The following CDH4 variants were observed in gnomAD, a reference collection of about 807,000 sequenced individuals.
CDH4 encodes the protein cadherin-4.
Under a neutral mutation model 86.0 loss-of-function variants are expected in CDH4, and 33 were observed. That is an observed-to-expected ratio of 0.38 (90% CI 0.29 to 0.51). The LOEUF is 0.51. CDH4 is among the 20% of genes least tolerant of loss of function. CDH4 has a pLI of 0.86. For synonymous variants in CDH4, 555 were observed against 549.4 expected (o/e 1.01, Z -0.14); for missense variants, 1,114 against 1,307.4 (o/e 0.85, Z 2.28).
At chr20:61,352,711 T>C (rs545272089) in intron 2 of CDH4, among the ~76,000 whole-genome samples, 15 of 152,296 alleles carry the variant, frequency 9.8e-5, no homozygotes, top group African/African-American at 3.4e-4. Flanking sequence ...TGGCTGTTTC[T>C]TGTTGGTTTG....
chr20:61,531,050 A>G (rs1005958362), intron 2 of CDH4, among the ~76,000 whole-genome samples: 4 of 146,836 alleles, frequency 2.7e-5, no homozygotes, highest in African/African-American at 1.0e-4. Flanking sequence ...TTCGGTACAC[A>G]GAGCTGCTGA....
At chr20:61,566,877 A>G (rs1468588604) in intron 2 of CDH4, among the ~76,000 whole-genome samples, 1 of 151,900 alleles carries the variant, frequency 6.6e-6, no homozygotes, top group Non-Finnish European at 1.5e-5. Flanking sequence ...TGCCGATGGC[A>G]CGCGGCTCAC....
intron 4 of CDH4, among the ~76,000 whole-genome samples, chr20:61,842,206 C>G (rs1982208222): frequency 6.6e-6 from 1 of 152,222 alleles, no homozygotes; most frequent in Non-Finnish European, 1.5e-5. Context: ...AGCCCTCTGT[C>G]TCTGAGGTAA....
In CDH4 at chr20:61,940,238, C is replaced by T. The variant is rs2055247392; in HGVS notation, c.*3295C>T. 6.6e-6 allele frequency: 1 copy of T among 152,136 alleles called. No individual in the cohort carries two copies. The highest frequency in any genetic ancestry group is 2.1e-4 in the South Asian group (1 of 4,828). 9.4% of individuals were successfully genotyped at this position (152,136 alleles called of 1,614,324 possible). ...TTGGAATGCGTTTTACTTTTCTTTT[C>T]TCTCCTTTTTTCATTCCGATTTTTT... is the stretch of plus-strand genomic sequence containing the variant. On this transcript the variant is annotated 3_prime_UTR_variant, in exon 16 of 16. Coordinates refer to ENST00000614565, the MANE Select transcript of CDH4 (RefSeq NM_001794.5).
At chr20:61,706,726 C>T (rs2087834779) in intron 2 of CDH4, among the ~76,000 whole-genome samples, 1 of 152,178 alleles carries the variant, frequency 6.6e-6, no homozygotes, top group Admixed American at 6.5e-5. Context: ...TTCTCCCGAG[C>T]CCGCTGCAGG....
At chr20:61,799,250 G>A (rs1350651071) in intron 4 of CDH4, among the ~76,000 whole-genome samples, 3 of 152,216 alleles carry the variant, frequency 2.0e-5, no homozygotes, top group Non-Finnish European at 2.9e-5. Context: ...ATTGCAAAGA[G>A]GTAGGTCTGT....
At chr20:61,918,565 G>A (rs1254201732) in intron 9 of CDH4, among the ~76,000 whole-genome samples, 23 of 152,164 alleles carry the variant, frequency 1.5e-4, no homozygotes. Flanking sequence ...GCGTGCATCA[G>A]GGAGCCACGA....
intron 2 of CDH4, among the ~76,000 whole-genome samples, chr20:61,330,346 T>C (rs963748832): frequency 1.3e-5 from 2 of 152,170 alleles, no homozygotes; most frequent in African/African-American, 4.8e-5. Context: ...AGTGTAAAAG[T>C]GTACCTGATT....
chr20:61,818,902 CAG>C (rs903098392), intron 4 of CDH4, among the ~76,000 whole-genome samples: 1 of 152,100 alleles, frequency 6.6e-6, no homozygotes, highest in Non-Finnish European at 1.5e-5. Flanking sequence ...ACTGATGGCA[CAG>C]AGAGCAGGGG....
In CDH4 at chr20:61,269,840, C is replaced by T. The variant is rs1047850986; in HGVS notation, c.169+14903C>T. ...TCAGATAGCAACTCCATGTTCCCGA[C>T]GCATGACCGGACCTCCAGAGCCAGT... On this transcript the variant is annotated intron_variant, in intron 2 of 15. Transcript: ENST00000614565. The surrounding 1 kb of genome is among the most constrained non-coding windows in gnomAD (Gnocchi z 5.3). 1.2e-4 allele frequency among the ~76,000 whole-genome samples: 18 copies of T among 152,210 alleles called. No homozygotes were observed. The highest frequency in any genetic ancestry group is 3.4e-4 in the African/African-American group (14 of 41,542).
At chr20:61,564,791 G>A (rs896897051) in intron 2 of CDH4, among the ~76,000 whole-genome samples, 12 of 152,180 alleles carry the variant, frequency 7.9e-5, no homozygotes, top group African/African-American at 2.7e-4. Context: ...AGGTGGGTCT[G>A]AGAGTGGACA....
At chr20:61,460,945 T>C (rs1028907) in intron 2 of CDH4, among the ~76,000 whole-genome samples, 72,871 of 151,990 alleles carry the variant, frequency 0.48, 17,726 homozygotes, top group Admixed American at 0.54. Context: ...CATCAGCCCC[T>C]GTTAGGGCAG....
intron 2 of CDH4, among the ~76,000 whole-genome samples, chr20:61,389,630 C>T (rs80079602): frequency 0.014 from 2,064 of 152,278 alleles, 46 homozygotes; most frequent in African/African-American, 0.046. Context: ...TATAGATCGA[C>T]GCTTCTCAAC....
chr20:61,690,004 G>C (rs1453797441), intron 2 of CDH4, among the ~76,000 whole-genome samples: 5 of 151,696 alleles, frequency 3.3e-5, no homozygotes, highest in Non-Finnish European at 5.9e-5. Flanking sequence ...CTGGTGAGGT[G>C]ATGTGGATTC....
chr20:61,746,719 G>C (rs996705255), intron 3 of CDH4, among the ~76,000 whole-genome samples: 2 of 152,250 alleles, frequency 1.3e-5, no homozygotes, highest in African/African-American at 4.8e-5. Context: ...CCCAGCCAAA[G>C]GGTGCTGGTA....
chr20:61,902,066 G>A lies in CDH4; in HGVS notation c.1188+7019G>A, dbSNP rs1419702907. Among the ~76,000 whole-genome samples the A allele has an allele frequency of 2.0e-5, 3 of 152,214 alleles. No homozygotes were observed. Among genetic ancestry groups the A allele is most frequent in the Non-Finnish European group, 4.4e-5 (3 of 68,026 alleles). The stretch of plus-strand genomic sequence containing the variant: ...AGATGCAGTCCTGCGTGTCACACCT[G>A]AGGAGCAGCCTGGAGCCAGGGGCAC... On this transcript the variant is annotated intron_variant, in intron 8 of 15. Transcript: ENST00000614565. This position sits in a 1 kb window ranked among gnomAD's most constrained non-coding sequence, Gnocchi z 4.6.
At chr20:61,691,058 G>A (rs2087647216) in intron 2 of CDH4, among the ~76,000 whole-genome samples, 1 of 152,144 alleles carries the variant, frequency 6.6e-6, no homozygotes, top group African/African-American at 2.4e-5. Flanking sequence ...TTCCTTCTGA[G>A]AGTGATGCCA....
rs2055210149 is a variant in CDH4 at position 61,937,516 on chromosome 20, A to G, written c.*573A>G. 1 of 151,998 alleles carries G rather than the reference A, an allele frequency of 6.6e-6. No homozygotes were observed. 9.4% of individuals were successfully genotyped at this position (151,998 alleles called of 1,614,324 possible). On this transcript the variant is annotated 3_prime_UTR_variant, in exon 16 of 16. Coordinates refer to ENST00000614565, the MANE Select transcript of CDH4 (RefSeq NM_001794.5). Reference sequence around the variant, plus strand: ...TTCAAATCCCAGCAGCCTTTGCTGTACACAGCTGGGGGTCTCTTGAGCCTC... The same window carrying G: ...TTCAAATCCCAGCAGCCTTTGCTGTGCACAGCTGGGGGTCTCTTGAGCCTC...
Position 61,879,619 on chromosome 20 carries a change from G to A in CDH4, c.1050+5719G>A, listed in dbSNP as rs920185468. On this transcript the variant is annotated intron_variant, in intron 7 of 15. Coordinates refer to ENST00000614565, the MANE Select transcript of CDH4 (RefSeq NM_001794.5). This position sits in a 1 kb window ranked among gnomAD's most constrained non-coding sequence, Gnocchi z 4.1. Reference sequence around the variant, plus strand: ...GACCTGAGCGGTTCAAGTGTCTCTCGTGTACCAGCCGAAGATGCCCCACTT... The same window carrying A: ...GACCTGAGCGGTTCAAGTGTCTCTCATGTACCAGCCGAAGATGCCCCACTT... Among the ~76,000 whole-genome samples, 5 of 152,140 alleles carry A rather than the reference G, an allele frequency of 3.3e-5. No individual in the cohort carries two copies. The highest frequency in any genetic ancestry group is 1.3e-4 in the Admixed American group (2 of 15,272).
Sources: allele counts gnomAD v4.1 joint callset (sites outside exome capture counted in the v4.1 genomes callset), GRCh38; gene constraint gnomAD v4.1.1; non-coding constraint Gnocchi (gnomAD v3.1); transcripts MANE v1.5; gene names NCBI Gene and HGNC (gene_info 2026-07-23, HGNC 2026-07-21).